Variants in DGKI observed in about 807,000 individuals in gnomAD.
DGKI encodes the protein DAG kinase iota.
Under a neutral mutation model 147.5 loss-of-function variants are expected in DGKI, and 55 were observed. The ratio of observed to expected loss-of-function variants is 0.37; its 90% CI spans 0.30 to 0.47. The LOEUF (loss-of-function observed/expected upper bound fraction) is 0.47. Ranked by LOEUF, DGKI falls within the 20% of genes least tolerant of loss-of-function variation. The pLI is 1.00. For missense variants in DGKI, 1,007 were observed against 1,323.8 expected, an observed-to-expected ratio of 0.76 and a Z score of 3.71; for synonymous variants, 469 against 477.1, an observed-to-expected ratio of 0.98 and a Z score of 0.22.
At chr7:137,600,867 G>A (rs1490950674) in intron 10 of DGKI, among the ~76,000 whole-genome samples, 1 of 152,112 alleles carries the variant, frequency 6.6e-6, no homozygotes, top group East Asian at 1.9e-4. Flanking sequence ...TCTCTGTCAC[G>A]TGAACATTTT....
chr7:137,702,662 T>C (rs565541405), intron 1 of DGKI, among the ~76,000 whole-genome samples: 1 of 152,264 alleles, frequency 6.6e-6, no homozygotes, highest in African/African-American at 2.4e-5. Context: ...AGCTCCTTGA[T>C]CCCAGTAAAA....
chr7:137,687,044 C>T (rs541024621), intron 2 of DGKI, among the ~76,000 whole-genome samples: 28 of 152,138 alleles, frequency 1.8e-4, no homozygotes, highest in African/African-American at 6.3e-4. Flanking sequence ...TAGTAGTAGA[C>T]GCCTTTGAGA....
At chr7:137,661,338 A>G (rs1182358755) in intron 3 of DGKI, among the ~76,000 whole-genome samples, 1 of 151,992 alleles carries the variant, frequency 6.6e-6, no homozygotes, top group East Asian at 1.9e-4. Flanking sequence ...ATGGCACCTC[A>G]CTCCAGAATT....
intron 28 of DGKI, among the ~76,000 whole-genome samples, chr7:137,424,043 A>C (rs1263906338): frequency 6.6e-6 from 1 of 152,156 alleles, no homozygotes; most frequent in Non-Finnish European, 1.5e-5. Flanking sequence ...TTATAATAAA[A>C]CATTAATTTT....
At chr7:137,420,592 C>A (rs943714033) in intron 28 of DGKI, among the ~76,000 whole-genome samples, 3 of 151,410 alleles carry the variant, frequency 2.0e-5, no homozygotes, top group Admixed American at 6.6e-5. Context: ...AGGATGAAAA[C>A]TGCTTTTCTG....
Position 137,392,464 on chromosome 7 carries a change from T to G in DGKI, c.3058-1128A>C, listed in dbSNP as rs574358176. ...CCAAATAAATAGCTCCATGTACAAA[T>G]GCACACAAGTGTTATAAATATTATC... is the stretch of plus-strand genomic sequence containing the variant. On this transcript the variant is annotated intron_variant, in intron 32 of 32. Coordinates refer to ENST00000614521, the MANE Select transcript of DGKI (RefSeq NM_001321708.2). Among the ~76,000 whole-genome samples the G allele has an allele frequency of 2.0e-5, 3 of 152,320 alleles. No individual in the cohort carries two copies. In the South Asian group the frequency reaches 6.2e-4, roughly 32 times the overall value.
intron 14 of DGKI, among the ~76,000 whole-genome samples, chr7:137,582,434 C>CTCTCTCTCTCTA (rs954743154): frequency 1.3e-5 from 2 of 148,448 alleles, no homozygotes; most frequent in African/African-American, 5.0e-5. Flanking sequence ...CTCTCTCTCT[C>CTCTCTCTCTCTA]TATATATATA....
intron 20 of DGKI, among the ~76,000 whole-genome samples, chr7:137,549,460 T>C (rs1308591843): frequency 6.6e-6 from 1 of 151,958 alleles, no homozygotes; most frequent in Non-Finnish European, 1.5e-5. Flanking sequence ...TAAAGATGAA[T>C]TAAACAACCA....
intron 1 of DGKI, among the ~76,000 whole-genome samples, chr7:137,804,555 T>C (rs1186723022): frequency 6.6e-6 from 1 of 152,196 alleles, no homozygotes; most frequent in Admixed American, 6.5e-5. Context: ...AGTTTTGAAG[T>C]CTTTGAAGAA....
At chr7:137,785,038 G>A (rs777932255) in intron 1 of DGKI, among the ~76,000 whole-genome samples, 26 of 151,716 alleles carry the variant, frequency 1.7e-4, no homozygotes, top group African/African-American at 5.3e-4. Context: ...ACAAATAGAC[G>A]ATCTAAGGTC....
chr7:137,720,466 G>C (rs555155822), intron 1 of DGKI, among the ~76,000 whole-genome samples: 1 of 151,922 alleles, frequency 6.6e-6, no homozygotes, highest in African/African-American at 2.4e-5. Context: ...CACCGTGTTA[G>C]CCAGGATGGT....
chr7:137,428,203 A>G (rs1216595393), intron 28 of DGKI, among the ~76,000 whole-genome samples: 21 of 150,376 alleles, frequency 1.4e-4, no homozygotes, highest in African/African-American at 3.7e-4. Flanking sequence ...CTTATCCACC[A>G]TGATCAAGTG....
chr7:137,416,996 T>C (rs1253469783), intron 28 of DGKI, among the ~76,000 whole-genome samples: 1 of 152,230 alleles, frequency 6.6e-6, no homozygotes, highest in Admixed American at 6.5e-5. Context: ...TCCTTCCCTA[T>C]GAACACTGTT....
chr7:137,721,570 G>T (rs1794559080), intron 1 of DGKI, among the ~76,000 whole-genome samples: 1 of 152,076 alleles, frequency 6.6e-6, no homozygotes, highest in South Asian at 2.1e-4. Flanking sequence ...CGGTCTCCCT[G>T]CCCTCCACCT....
At chr7:137,724,353 A>G (rs1227803738) in intron 1 of DGKI, among the ~76,000 whole-genome samples, 1 of 152,138 alleles carries the variant, frequency 6.6e-6, no homozygotes, top group Non-Finnish European at 1.5e-5. Flanking sequence ...GAACATCTTT[A>G]TGTTTTCAAG....
intron 14 of DGKI, among the ~76,000 whole-genome samples, chr7:137,584,925 A>C (rs1207502958): frequency 6.6e-6 from 1 of 152,196 alleles, no homozygotes; most frequent in Non-Finnish European, 1.5e-5. Context: ...TATTAACATG[A>C]ATGATTAAGA....
At chr7:137,774,837 G>A (rs985408547) in intron 1 of DGKI, 1 of 152,112 alleles carries the variant, frequency 6.6e-6, no homozygotes, top group African/African-American at 2.4e-5. Context: ...ATGAAAAGGA[G>A]GAGGGAAGGG....
chr7:137,589,672 A>G (rs1184016524), intron 12 of DGKI, among the ~76,000 whole-genome samples: 2 of 152,378 alleles, frequency 1.3e-5, no homozygotes, highest in Non-Finnish European at 1.5e-5. Context: ...CATAAAAAGG[A>G]CATAAATACT....
intron 6 of DGKI, among the ~76,000 whole-genome samples, chr7:137,631,485 G>A (rs1821119685): frequency 6.6e-6 from 1 of 152,152 alleles, no homozygotes; most frequent in Admixed American, 6.5e-5. Flanking sequence ...AAGGTGAAGA[G>A]GCTGCTAAGA....
Sources: allele counts gnomAD v4.1 joint callset (sites outside exome capture counted in the v4.1 genomes callset), GRCh38; gene constraint gnomAD v4.1.1; transcripts MANE v1.5; gene names NCBI Gene and HGNC (gene_info 2026-07-23, HGNC 2026-07-21).